Variants in ADAMTS19 observed in about 807,000 individuals in gnomAD.
ADAMTS19 encodes the protein A disintegrin and metalloproteinase with thrombospondin motifs 19.
ADAMTS19 carries 93 observed loss-of-function variants against 153.3 expected under a neutral mutation model. The ratio of observed to expected loss-of-function variants is 0.61; its 90% CI spans 0.51 to 0.72. ADAMTS19 has a LOEUF of 0.72. Among genes scored for constraint, ADAMTS19 ranks in the 30% least tolerant of loss-of-function variants. The probability of loss-of-function intolerance (pLI) is 0.00; values close to 1 mark genes in which losing one functional copy is unlikely to be tolerated. For synonymous variants in ADAMTS19, 600 were observed against 556.6 expected (o/e 1.08, Z -1.10); for missense variants, 1,482 against 1,552.1 (o/e 0.95, Z 0.76).
intron 21 of ADAMTS19, among the ~76,000 whole-genome samples, chr5:129,716,832 C>G (rs1017614418): frequency 6.6e-6 from 1 of 152,130 alleles, no homozygotes; most frequent in Non-Finnish European, 1.5e-5. Flanking sequence ...TTAAGTACTT[C>G]CAGAGATCCA....
At chr5:129,704,625 A>G (rs1482045845) in intron 21 of ADAMTS19, among the ~76,000 whole-genome samples, 1 of 152,212 alleles carries the variant, frequency 6.6e-6, no homozygotes, top group Admixed American at 6.5e-5. Context: ...AAAGGAAGCT[A>G]TCAAAAAATA....
chr5:129,473,451 ACT>A (rs1267851215), intron 2 of ADAMTS19, among the ~76,000 whole-genome samples: 2 of 152,040 alleles, frequency 1.3e-5, no homozygotes, highest in Non-Finnish European at 2.9e-5. Flanking sequence ...GTGTTGTCTG[ACT>A]CTGGTTATAT....
At chr5:129,682,869 G>A (rs1264750812) in intron 17 of ADAMTS19, among the ~76,000 whole-genome samples, 2 of 152,022 alleles carry the variant, frequency 1.3e-5, no homozygotes, top group Non-Finnish European at 2.9e-5. Flanking sequence ...TAGGCATTCT[G>A]TTGATATACT....
At chr5:129,677,156 T>A (rs952762103) in intron 16 of ADAMTS19, among the ~76,000 whole-genome samples, 2 of 152,130 alleles carry the variant, frequency 1.3e-5, no homozygotes, top group African/African-American at 4.8e-5. Context: ...TAAAGTTCAA[T>A]AGGAATAAAA....
chr5:129,473,792 A>G (rs566417956), intron 2 of ADAMTS19, among the ~76,000 whole-genome samples: 1 of 152,258 alleles, frequency 6.6e-6, no homozygotes, highest in South Asian at 2.1e-4. Context: ...CACCCTAATT[A>G]TCTCTCATTA....
chr5:129,509,112 T>C lies in ADAMTS19; in HGVS notation c.783T>C (p.Phe261=), dbSNP rs753545473. The change falls in exon 3 of 23, where the codon TTT becomes TTC. Residue 261 remains phenylalanine, a synonymous_variant. Coordinates refer to ENST00000274487, the MANE Select transcript of ADAMTS19 (RefSeq NM_133638.6). ...TACAGCTCAATGAGGACTTCATATT[T>C]ATTGAGCCACTCAATGATACAATGG... ...GFIQLNEDFI[F]IEPLNDTMAI... is the part of the protein sequence containing the mutation. 1 of 1,611,278 alleles carries C rather than the reference T, an allele frequency of 6.2e-7. No individual in the cohort carries two copies. The highest frequency in any genetic ancestry group is 1.1e-5 in the South Asian group (1 of 90,928).
intron 3 of ADAMTS19, among the ~76,000 whole-genome samples, chr5:129,525,019 T>C (rs1581038068): frequency 6.6e-6 from 1 of 152,116 alleles, no homozygotes; most frequent in East Asian, 1.9e-4. Flanking sequence ...AGCAGCTGGC[T>C]CCTTTTCATT....
intron 21 of ADAMTS19, among the ~76,000 whole-genome samples, chr5:129,728,830 T>C (rs777420818): frequency 6.6e-6 from 1 of 152,118 alleles, no homozygotes; most frequent in Non-Finnish European, 1.5e-5. Flanking sequence ...ACCATGAACA[T>C]AATGAGTGGT....
intron 11 of ADAMTS19, among the ~76,000 whole-genome samples, chr5:129,643,533 A>T (rs569024946): frequency 6.6e-6 from 1 of 152,074 alleles, no homozygotes. Context: ...CCATTTCTGG[A>T]TTGTTTGACA....
intron 3 of ADAMTS19, among the ~76,000 whole-genome samples, chr5:129,519,925 G>A (rs777535980): frequency 5.3e-5 from 8 of 151,972 alleles, no homozygotes; most frequent in Non-Finnish European, 1.0e-4. Flanking sequence ...TCAGCTAGGC[G>A]CACAACAACC....
chr5:129,588,438 G>C (rs560870331), intron 7 of ADAMTS19, among the ~76,000 whole-genome samples: 1 of 152,048 alleles, frequency 6.6e-6, no homozygotes, highest in Non-Finnish European at 1.5e-5. Flanking sequence ...GTCTGTGTGT[G>C]TGTGAGAGAG....
At position 129,694,816 on chromosome 5, in the gene ADAMTS19, C is replaced by T; in HGVS notation, c.2915C>T (p.Pro972Leu). ...TGCAAATACTTAACCAAGCCAGAGC[C>T]ACAGATTCGAAAGTGCAATGAGCAA... Reference protein sequence around the residue: ...EKCKYLTKPEPQIRKCNEQPC... With the variant: ...EKCKYLTKPELQIRKCNEQPC... Residue 972 changes from proline to leucine, a missense_variant, in exon 19 of 23, where the codon CCA (proline) becomes CTA (leucine). Pro to Leu is a moderately conservative substitution (Grantham distance 98, BLOSUM62 -3). This residue lies in a region of ADAMTS19 where 616 missense variants were observed against 724.4 expected (regional missense o/e 0.85). Coordinates refer to ENST00000274487, the MANE Select transcript of ADAMTS19 (RefSeq NM_133638.6). 6.3e-7 allele frequency: 1 copy of T among 1,599,146 alleles called. No individual in the cohort carries two copies. Among genetic ancestry groups the T allele is most frequent in the Non-Finnish European group, 8.5e-7 (1 of 1,172,276 alleles).
intron 7 of ADAMTS19, among the ~76,000 whole-genome samples, chr5:129,572,881 G>C (rs1410624461): frequency 6.6e-6 from 1 of 151,938 alleles, no homozygotes; most frequent in African/African-American, 2.4e-5. Context: ...ACAGAGGACA[G>C]TACAGTAAAA....
chr5:129,558,467 T>C (rs1244233119), intron 7 of ADAMTS19, among the ~76,000 whole-genome samples: 2 of 152,096 alleles, frequency 1.3e-5, no homozygotes, highest in Non-Finnish European at 2.9e-5. Context: ...GTAAGACATA[T>C]GGACAATATT....
At chr5:129,622,802 A>T (rs1751841217) in intron 10 of ADAMTS19, among the ~76,000 whole-genome samples, 1 of 152,180 alleles carries the variant, frequency 6.6e-6, no homozygotes, top group African/African-American at 2.4e-5. Flanking sequence ...ACTTTAAATC[A>T]TCCCTAGATT....
intron 3 of ADAMTS19, among the ~76,000 whole-genome samples, chr5:129,521,587 T>C (rs1023638609): frequency 3.3e-5 from 5 of 152,138 alleles, no homozygotes; most frequent in Non-Finnish European, 7.4e-5. Flanking sequence ...AAAGAATTGG[T>C]TTAACATCCC....
At chr5:129,654,806 C>G (rs1253122928) in intron 14 of ADAMTS19, among the ~76,000 whole-genome samples, 2 of 152,038 alleles carry the variant, frequency 1.3e-5, no homozygotes, top group Non-Finnish European at 2.9e-5. Context: ...AGCCATGAGT[C>G]AAAAATCAAT....
chr5:129,493,363 TG>T (rs1750830741), intron 2 of ADAMTS19, among the ~76,000 whole-genome samples: 1 of 152,196 alleles, frequency 6.6e-6, no homozygotes, highest in African/African-American at 2.4e-5. Context: ...TTTATTTTTT[TG>T]TGAATTATAT....
chr5:129,519,998 T>A (rs1038697068), intron 3 of ADAMTS19, among the ~76,000 whole-genome samples: 2 of 152,136 alleles, frequency 1.3e-5, no homozygotes, highest in Non-Finnish European at 2.9e-5. Flanking sequence ...AAATGAAGAT[T>A]TCTGGATCCC....
Sources: allele counts gnomAD v4.1 joint callset (sites outside exome capture counted in the v4.1 genomes callset), GRCh38; gene constraint gnomAD v4.1.1; regional missense constraint gnomAD v4.1.1; transcripts MANE v1.5; gene names NCBI Gene and HGNC (gene_info 2026-07-23, HGNC 2026-07-21).